The following PTPRM variants were observed in gnomAD, a reference collection of about 807,000 sequenced individuals.
The protein encoded by PTPRM is protein tyrosine phosphatase receptor type M.
In PTPRM, 47 loss-of-function variants were observed where a neutral mutation model predicts 186.7. The ratio of observed to expected loss-of-function variants is 0.25; its 90% confidence interval spans 0.20 to 0.32. PTPRM has a LOEUF of 0.32. Among genes scored for constraint, PTPRM ranks in the 10% least tolerant of loss-of-function variants. The pLI, the probability that PTPRM is intolerant of heterozygous loss-of-function variation, is 1.00. For synonymous variants in PTPRM, 668 were observed against 674.9 expected, an observed-to-expected ratio of 0.99 and a Z score of 0.16; for missense variants, 1,494 against 1,865.0, an observed-to-expected ratio of 0.80 and a Z score of 3.66.
intron 19 of PTPRM, among the ~76,000 whole-genome samples, chr18:8,287,105 A>G (rs1289068192): frequency 2.0e-5 from 3 of 152,188 alleles, no homozygotes; most frequent in African/African-American, 4.8e-5. Context: ...TTTAAAAAAA[A>G]AAGAGAAAAG....
chr18:7,929,073 C>T (rs2051333677), intron 5 of PTPRM, among the ~76,000 whole-genome samples: 2 of 151,912 alleles, frequency 1.3e-5, no homozygotes, highest in South Asian at 4.2e-4. Context: ...TTTCCAGATT[C>T]TCATTTAGTT....
chr18:8,393,978 C>A (rs982126843), intron 31 of PTPRM, among the ~76,000 whole-genome samples: 3 of 151,960 alleles, frequency 2.0e-5, no homozygotes, highest in East Asian at 3.9e-4. Flanking sequence ...TTTTTAGTAG[C>A]GATGGGGTTT....
At chr18:7,811,782 T>A (rs1171174454) in intron 2 of PTPRM, among the ~76,000 whole-genome samples, 1 of 152,100 alleles carries the variant, frequency 6.6e-6, no homozygotes, top group Non-Finnish European at 1.5e-5. Context: ...GTCAAGCAGA[T>A]CCCTTGGAAC....
intron 13 of PTPRM, among the ~76,000 whole-genome samples, chr18:8,138,627 G>A (rs2092693054): frequency 1.3e-5 from 2 of 152,112 alleles, no homozygotes; most frequent in African/African-American, 2.4e-5. Flanking sequence ...CCAGACCAGC[G>A]CATCTGCCAA....
At chr18:8,229,823 T>A (rs1044775223) in intron 14 of PTPRM, among the ~76,000 whole-genome samples, 2 of 152,100 alleles carry the variant, frequency 1.3e-5, no homozygotes, top group African/African-American at 2.4e-5. Context: ...GTACACATGG[T>A]TATATATATA....
intron 19 of PTPRM, among the ~76,000 whole-genome samples, chr18:8,293,058 C>A (rs1195221677): frequency 3.9e-5 from 6 of 152,132 alleles, no homozygotes; most frequent in African/African-American, 9.7e-5. Flanking sequence ...CATGTCCTCT[C>A]CTCCAGTGAG....
At chr18:8,214,363 T>C (rs1166631113) in intron 14 of PTPRM, among the ~76,000 whole-genome samples, 1 of 152,214 alleles carries the variant, frequency 6.6e-6, no homozygotes, top group Non-Finnish European at 1.5e-5. Context: ...TATAGCAACA[T>C]AGTGACAATA....
chr18:7,664,974 A>G (rs1474430006), intron 1 of PTPRM, among the ~76,000 whole-genome samples: 2 of 152,108 alleles, frequency 1.3e-5, no homozygotes, highest in Non-Finnish European at 2.9e-5. Context: ...TAAATTTGAG[A>G]TGTCACTACC....
At chr18:7,826,606 T>C (rs915036896) in intron 2 of PTPRM, among the ~76,000 whole-genome samples, 1 of 152,210 alleles carries the variant, frequency 6.6e-6, no homozygotes, top group Admixed American at 6.5e-5. Context: ...GAAACTCCCA[T>C]GAAATAAAAG....
intron 1 of PTPRM, among the ~76,000 whole-genome samples, chr18:7,575,415 C>T (rs1285553449): frequency 6.6e-6 from 1 of 152,170 alleles, no homozygotes; most frequent in Non-Finnish European, 1.5e-5. Context: ...CATCCGCTTA[C>T]GTGTGCATCT....
At chr18:8,221,808 T>C (rs2094156253) in intron 14 of PTPRM, among the ~76,000 whole-genome samples, 1 of 152,212 alleles carries the variant, frequency 6.6e-6, no homozygotes, top group Non-Finnish European at 1.5e-5. Flanking sequence ...TCCCTGTGCA[T>C]AGTGAACTGT....
chr18:7,983,166 C>T (rs570577937), intron 7 of PTPRM, among the ~76,000 whole-genome samples: 2 of 152,250 alleles, frequency 1.3e-5, no homozygotes, highest in African/African-American at 4.8e-5. Flanking sequence ...GGAAGTGAGC[C>T]AGAGGCGGGC....
intron 13 of PTPRM, among the ~76,000 whole-genome samples, chr18:8,126,017 A>ATTTTTT (rs1456992081): frequency 1.4e-4 from 4 of 29,014 alleles, no homozygotes; most frequent in Admixed American, 6.3e-4. Context: ...ATATATATAT[A>ATTTTTT]TATATATATA....
intron 6 of PTPRM, among the ~76,000 whole-genome samples, chr18:7,953,111 T>C (rs1274431521): frequency 6.6e-6 from 1 of 152,238 alleles, no homozygotes; most frequent in Non-Finnish European, 1.5e-5. Flanking sequence ...GTTGAATACT[T>C]CATTTGATTT....
intron 13 of PTPRM, among the ~76,000 whole-genome samples, chr18:8,122,820 T>C (rs1311150776): frequency 6.6e-6 from 1 of 152,234 alleles, no homozygotes; most frequent in Non-Finnish European, 1.5e-5. Flanking sequence ...AGGGTGGCAG[T>C]GTTCTAACAG....
chr18:8,178,541 T>G (rs1050444064), intron 14 of PTPRM, among the ~76,000 whole-genome samples: 2 of 152,102 alleles, frequency 1.3e-5, no homozygotes, highest in African/African-American at 4.8e-5. Flanking sequence ...CTCAGCACTT[T>G]GGGAGGCCGA....
intron 1 of PTPRM, among the ~76,000 whole-genome samples, chr18:7,716,927 A>G (rs1459621886): frequency 3.3e-5 from 5 of 151,082 alleles, no homozygotes; most frequent in Non-Finnish European, 5.9e-5. Flanking sequence ...GGCAATTCCT[A>G]GAAACTAGAA....
At chr18:8,111,197 C>A (rs1160393510) in intron 11 of PTPRM, among the ~76,000 whole-genome samples, 1 of 152,196 alleles carries the variant, frequency 6.6e-6, no homozygotes. Flanking sequence ...TCACACATAT[C>A]CTTATTTTCC....
intron 1 of PTPRM, among the ~76,000 whole-genome samples, chr18:7,703,789 G>C (rs565930839): frequency 1.3e-5 from 2 of 152,176 alleles, no homozygotes; most frequent in Admixed American, 1.3e-4. Flanking sequence ...TGCCCATTCA[G>C]TATGATATTG....
Sources: gnomAD v4.1 joint callset for allele counts (sites outside exome capture counted in the v4.1 genomes callset) on GRCh38, gnomAD v4.1.1 for gene constraint, MANE v1.5 for transcripts, NCBI Gene and HGNC (gene_info 2026-07-23, HGNC 2026-07-21) for gene names.